EVC: variants seen among roughly 807,000 people sequenced by gnomAD.
EVC encodes the protein evC complex member EVC.
A neutral mutation model predicts 118.9 loss-of-function variants in EVC; 116 were observed. The ratio of observed to expected loss-of-function variants is 0.98; its 90% CI spans 0.84 to 1.14. The LOEUF is 1.14. Ranked by LOEUF, EVC falls within the 50% of genes most tolerant of loss-of-function variation. EVC has a pLI of 0.00. For synonymous variants in EVC, 619 were observed against 534.7 expected, an observed-to-expected ratio of 1.16 and a Z score of -2.18; for missense variants, 1,401 against 1,246.4, an observed-to-expected ratio of 1.12 and a Z score of -1.87.
rs376440801 is a variant in EVC at position 5,753,917 on chromosome 4, C to T, written c.1448C>T (p.Pro483Leu). The T allele has an allele frequency of 2.4e-5, 38 of 1,613,374 alleles. No homozygotes were observed. Among genetic ancestry groups the T allele is most frequent in the African/African-American group, 9.3e-5 (7 of 75,032 alleles). ...FLAEAQPTADPEKFLEAFHEV... is the reference protein window; with the variant it reads ...FLAEAQPTADLEKFLEAFHEV... Reference sequence around the variant, plus strand: ...GCTGAGGCCCAGCCGACTGCTGACCCGGAAAAGTTTCTCGAGGTGACTCAC... The same window carrying T: ...GCTGAGGCCCAGCCGACTGCTGACCTGGAAAAGTTTCTCGAGGTGACTCAC... Residue 483 changes from proline to leucine, a missense_variant, in exon 10 of 21, where the codon CCG (proline) becomes CTG (leucine). Coordinates refer to ENST00000264956, the MANE Select transcript of EVC (RefSeq NM_153717.3).
At chr4:5,808,132 T>TCCCCCCCCCCCCCCCCC in intron 17 of EVC, 69 bp from the exon 18 acceptor site, 1 of 464,748 alleles carries the variant, frequency 2.2e-6, no homozygotes, top group Non-Finnish European at 4.1e-6. Context: ...GCCTTCCTTC[T>TCCCCCCCCCCCCCCCCC]CCCTCCCTCC....
intron 5 of EVC, 119 bp from the exon 6 acceptor site, chr4:5,741,595 AAG>A (rs1728584271): frequency 1.6e-6 from 1 of 637,956 alleles, no homozygotes; most frequent in South Asian, 1.8e-5. Context: ...GAGAGGGTGA[AAG>A]AGAAGAAAAG....
chr4:5,746,380 TG>T lies in EVC; in HGVS notation c.939+1043del, dbSNP rs994794847. 6.7e-6 allele frequency among the ~76,000 whole-genome samples: 1 copy of T among 149,552 alleles called. No homozygotes were observed. The highest frequency in any genetic ancestry group is 2.4e-5 in the African/African-American group (1 of 40,994). ...TGAGAGAAGCTGTGGTGGTCTACCATGGGGCGGCAGGTGGGGAGGAGGAGGG... is the reference window on the plus strand; with the variant it reads ...TGAGAGAAGCTGTGGTGGTCTACCATGGGCGGCAGGTGGGGAGGAGGAGGG... On this transcript the variant is annotated intron_variant, in intron 7 of 20. Coordinates refer to ENST00000264956, the MANE Select transcript of EVC (RefSeq NM_153717.3). The surrounding 1 kb of genome is among the most constrained non-coding windows in gnomAD (Gnocchi z 5.8).
At chr4:5,772,619 C>T (rs540328461) in intron 11 of EVC, among the ~76,000 whole-genome samples, 5 of 151,680 alleles carry the variant, frequency 3.3e-5, no homozygotes, top group Admixed American at 6.5e-5. Context: ...CAAGATGCCC[C>T]CAACCTGACC....
In EVC at chr4:5,756,783, A is replaced by G. The variant is rs369213562; in HGVS notation, c.1563+421A>G. On this transcript the variant is annotated intron_variant, in intron 11 of 20. Coordinates refer to ENST00000264956, the MANE Select transcript of EVC (RefSeq NM_153717.3). The surrounding 1 kb of genome is among the most constrained non-coding windows in gnomAD (Gnocchi z 4.2). ...CTCTTTCCCCTGTGCAACCGTGTGC[A>G]GGTCTGGGGTGGGGAGGTGAAGCTG... Among the ~76,000 whole-genome samples, 14 of 152,222 alleles carry G rather than the reference A, an allele frequency of 9.2e-5. No homozygotes were observed. The South Asian group carries it at 1.7e-3, about 18-fold the overall frequency.
At chr4:5,775,237 G>A (rs760051441) in intron 11 of EVC, among the ~76,000 whole-genome samples, 2 of 152,078 alleles carry the variant, frequency 1.3e-5, no homozygotes, top group African/African-American at 2.4e-5. Flanking sequence ...CATTGAAAGT[G>A]TTTTTACTGT....
rs1316069168 is a variant in EVC, at chr4:5,755,855, G to A, written c.1465-409G>A. ...GAAGGGCCTCCACCCCGTGGTCACA[G>A]TGGGGCCTGGCTGGTTGCTGACTGC... On this transcript the variant is annotated intron_variant, in intron 10 of 20. Coordinates refer to ENST00000264956, the MANE Select transcript of EVC (RefSeq NM_153717.3). This position sits in a 1 kb window ranked among gnomAD's most constrained non-coding sequence, Gnocchi z 4.1. Among the ~76,000 whole-genome samples the A allele has an allele frequency of 5.9e-5, 9 of 152,202 alleles. No homozygotes were observed. Among genetic ancestry groups the A allele is most frequent in the Non-Finnish European group, 1.0e-4 (7 of 68,038 alleles).
intron 3 of EVC, 42 bp downstream of exon 3, chr4:5,729,432 G>T: frequency 1.9e-6 from 3 of 1,564,414 alleles, no homozygotes; most frequent in Non-Finnish European, 2.6e-6. Flanking sequence ...AGTTACTTCC[G>T]TCATGTGCCA....
chr4:5,781,733 G>C (rs1735629013), intron 11 of EVC, among the ~76,000 whole-genome samples: 1 of 152,114 alleles, frequency 6.6e-6, no homozygotes, highest in African/African-American at 2.4e-5. Context: ...CCAGCTATTT[G>C]GGAGGCTGAG....
intron 16 of EVC, among the ~76,000 whole-genome samples, chr4:5,803,964 T>G (rs1160098648): frequency 6.7e-6 from 1 of 150,188 alleles, no homozygotes; most frequent in Non-Finnish European, 1.5e-5. Flanking sequence ...TTTTTGAGAC[T>G]GAGTCTCACT....
At chr4:5,763,245 C>T (rs1732345759) in intron 11 of EVC, among the ~76,000 whole-genome samples, 1 of 144,062 alleles carries the variant, frequency 6.9e-6, no homozygotes, top group African/African-American at 2.7e-5. Flanking sequence ...GGGCTCTGTT[C>T]TGTTCCATTG....
intron 1 of EVC, among the ~76,000 whole-genome samples, chr4:5,716,477 C>T (rs1723979546): frequency 6.6e-6 from 1 of 152,132 alleles, no homozygotes; most frequent in South Asian, 2.1e-4. Flanking sequence ...CTCTGGGCTC[C>T]CCAGGAAGAG....
In EVC at chr4:5,755,028, C is replaced by T. The variant is rs910725467; in HGVS notation, c.1464+1095C>T. Among the ~76,000 whole-genome samples the T allele has an allele frequency of 1.1e-4, 17 of 152,032 alleles. No homozygotes were observed. The highest frequency in any genetic ancestry group is 1.9e-4 in the Non-Finnish European group (13 of 68,006). On this transcript the variant is annotated intron_variant, in intron 10 of 20. Transcript: ENST00000264956. This position sits in a 1 kb window ranked among gnomAD's most constrained non-coding sequence, Gnocchi z 4.1. The stretch of plus-strand genomic sequence containing the variant: ...GTGAGAAGCCAATGGAGGGGTCCCC[C>T]GAGAACAGAGGACAGGCCTCTAGGT...
chr4:5,711,414 G>T lies in EVC; in HGVS notation c.34G>T (p.Ala12Ser), dbSNP rs1369066723. Residue 12 changes from alanine to serine, a missense_variant, in exon 1 of 21, where the codon GCG becomes TCG. Physicochemically the swap from Ala to Ser is moderately conservative, Grantham distance 99. Transcript: ENST00000264956. Reference protein sequence around the residue: ...ARGGAACKSDARLLLGRDALR... With the variant: ...ARGGAACKSDSRLLLGRDALR... ...CGGCGGGGCGGCCTGCAAGAGCGACGCGCGGCTGCTGCTGGGGCGGGACGC... is the reference window on the plus strand; with the variant it reads ...CGGCGGGGCGGCCTGCAAGAGCGACTCGCGGCTGCTGCTGGGGCGGGACGC... 21 of 1,024,208 alleles carry T rather than the reference G, an allele frequency of 2.1e-5. No individual in the cohort carries two copies. Among genetic ancestry groups the T allele is most frequent in the Non-Finnish European group, 2.4e-5 (21 of 858,448 alleles). 63.4% of individuals were successfully genotyped at this position (1,024,208 alleles called of 1,614,324 possible).
rs949753751 is a variant in EVC, at chr4:5,743,799, C to G, written c.802-1405C>G. 6.6e-6 allele frequency among the ~76,000 whole-genome samples: 1 copy of G among 152,186 alleles called. No homozygotes were observed. ...ACATTATTTCATTTAATAGTTATGA[C>G]AGCCCTGTGAGTGGCCATTGTTATT... On this transcript the variant is annotated intron_variant, in intron 6 of 20. Transcript: ENST00000264956. This position sits in a 1 kb window ranked among gnomAD's most constrained non-coding sequence, Gnocchi z 4.7.
Position 5,742,296 on chromosome 4 carries a change from T to A in EVC, c.801+482T>A, listed in dbSNP as rs557860824. On this transcript the variant is annotated intron_variant, in intron 6 of 20. Coordinates refer to ENST00000264956, the MANE Select transcript of EVC (RefSeq NM_153717.3). The surrounding 1 kb of genome is among the most constrained non-coding windows in gnomAD (Gnocchi z 5.2). ...TTTCCTTTTTGTATAGTGAGATAAT[T>A]CCTGTTCTGCGAGAGTGCAGAAAGG... 1.3e-5 allele frequency among the ~76,000 whole-genome samples: 2 copies of A among 152,204 alleles called. No individual in the cohort carries two copies. Among genetic ancestry groups the A allele is most frequent in the Non-Finnish European group, 2.9e-5 (2 of 68,034 alleles).
rs777640312 is a variant in EVC at position 5,797,040 on chromosome 4, G to A, written c.1905G>A (p.Leu635=). 1 of 1,613,178 alleles carries A rather than the reference G, an allele frequency of 6.2e-7. No homozygotes were observed. Among genetic ancestry groups the A allele is most frequent in the Non-Finnish European group, 8.5e-7 (1 of 1,179,870 alleles). Residue 635 remains leucine, a synonymous_variant, in exon 14 of 21, where the codon CTG becomes CTA. Coordinates refer to ENST00000264956, the MANE Select transcript of EVC (RefSeq NM_153717.3). The stretch of plus-strand genomic sequence containing the variant: ...CTCAAAGGTCCACGCGGTGTGTCCT[G>A]CAGGGGCATGACCTGCTGTTGCGCT... ...GLTEESTRCV[L]QGHDLLLRSA... is the part of the protein sequence containing the mutation.
rs1729316608 is a variant in EVC, at chr4:5,746,067, G to T, written c.939+726G>T. Among the ~76,000 whole-genome samples, 1 of 152,200 alleles carries T rather than the reference G, an allele frequency of 6.6e-6. No homozygotes were observed. The highest frequency in any genetic ancestry group is 6.5e-5 in the Admixed American group (1 of 15,282). ...GGAGAAGTGTGGGTGCTGGCCAGTG[G>T]TGGGGCAGAGATGGGAGCTAAAGAG... On this transcript the variant is annotated intron_variant, in intron 7 of 20. Transcript: ENST00000264956. This position sits in a 1 kb window ranked among gnomAD's most constrained non-coding sequence, Gnocchi z 5.8.
rs1560315958 is a variant in EVC, at chr4:5,741,828, CTA to C, written c.801+16_801+17del. ...AAACAAGAAAAAGTAAGTCTTCAAC[CTA>C]TGTTTCAAGGTAACTTAAAAATAGT... On this transcript the variant is annotated intron_variant, in intron 6 of 20. Transcript: ENST00000264956. 1 of 1,362,422 alleles carries C rather than the reference CTA, an allele frequency of 7.3e-7. No homozygotes were observed. Among genetic ancestry groups the C allele is most frequent in the East Asian group, 2.3e-5 (1 of 43,302 alleles). The allele number at this position is 1,362,422 out of a possible 1,614,324, so 84.4% of individuals were successfully genotyped here. A position where few individuals can be genotyped will look rare whatever the true frequency, so the allele number is the denominator to read the frequency against.
Sources: gnomAD v4.1 joint callset for allele counts (sites outside exome capture counted in the v4.1 genomes callset) on GRCh38, gnomAD v4.1.1 for gene constraint, Gnocchi (gnomAD v3.1) non-coding constraint, MANE v1.5 for transcripts, NCBI Gene and HGNC (gene_info 2026-07-23, HGNC 2026-07-21) for gene names.